The following METTL15 variants were observed in gnomAD, a reference collection of about 807,000 sequenced individuals.
METTL15 encodes the protein 12S rRNA N(4)-cytidine methyltransferase METTL15.
A neutral mutation model predicts 38.3 loss-of-function variants in METTL15; 34 were observed. The ratio of observed to expected loss-of-function variants is 0.89; its 90% confidence interval spans 0.68 to 1.18. The LOEUF (loss-of-function observed/expected upper bound fraction) is 1.18, where lower values mean the gene tolerates loss of function less well. Among genes scored for constraint, METTL15 ranks in the 50% most tolerant of loss-of-function variants. The pLI, the probability that METTL15 is intolerant of heterozygous loss-of-function variation, is 0.00. For missense variants in METTL15, 438 were observed against 498.4 expected (o/e 0.88, Z 1.15); for synonymous variants, 162 against 170.9 (o/e 0.95, Z 0.41).
chr11:28,315,755 G>C (rs1336525427), intron 6 of METTL15, among the ~76,000 whole-genome samples: 1 of 152,212 alleles, frequency 6.6e-6, no homozygotes, highest in Non-Finnish European at 1.5e-5. Context: ...CTAGGGACTT[G>C]GTACCCTGCG....
rs1410088893 is a variant in METTL15 at position 28,134,496 on chromosome 11, T to C, written c.270+20892T>C. 2.5e-5 allele frequency: 10 copies of C among 398,260 alleles called. No homozygotes were observed. In the South Asian group the frequency reaches 1.0e-3, roughly 41 times the overall value. The allele number at this position is 398,260 out of a possible 1,614,324, so 24.7% of individuals were successfully genotyped here. On this transcript the variant is annotated intron_variant, in intron 3 of 6. Transcript: ENST00000407364. ...GGAGGTTCTCCAGGGATCCTTCTGG[T>C]ACTGTCTGTCAAAAGCAAGCTGGCT...
chr11:28,295,115 C>T (rs774350094), intron 5 of METTL15, among the ~76,000 whole-genome samples: 5 of 152,022 alleles, frequency 3.3e-5, no homozygotes, highest in Non-Finnish European at 5.9e-5. Flanking sequence ...CGAATTATGC[C>T]TTGCAAATTT....
rs189512561 is a variant in METTL15 at position 28,452,001 on chromosome 11, G to A, written c.*424+27637G>A. On this transcript the variant is annotated intron_variant and NMD_transcript_variant, in intron 6 of 7. Transcript: ENST00000532947. ...CTCTAAGCCTATGAGCCTGTTAGTGGTTAGTTGGTATAATGAAGAGCCTGG... is the reference window on the plus strand; with the variant it reads ...CTCTAAGCCTATGAGCCTGTTAGTGATTAGTTGGTATAATGAAGAGCCTGG... 2.0e-5 allele frequency among the ~76,000 whole-genome samples: 3 copies of A among 152,332 alleles called. No individual in the cohort carries two copies. In the East Asian group the frequency reaches 5.8e-4, roughly 29 times the overall value.
chr11:28,413,479 G>T (rs769490726), intron 5 of METTL15, among the ~76,000 whole-genome samples: 1 of 152,130 alleles, frequency 6.6e-6, no homozygotes, highest in African/African-American at 2.4e-5. Context: ...ATGCAAATCT[G>T]CACAGTTTTT....
chr11:28,328,876 G>A (rs1849724817), intron 6 of METTL15, among the ~76,000 whole-genome samples: 1 of 151,956 alleles, frequency 6.6e-6, no homozygotes, highest in Admixed American at 6.6e-5. Flanking sequence ...CTTATTAGAT[G>A]TATGATTTGC....
chr11:28,254,346 A>G (rs2133928273), intron 4 of METTL15, among the ~76,000 whole-genome samples: 1 of 152,036 alleles, frequency 6.6e-6, no homozygotes, highest in South Asian at 2.1e-4. Context: ...TTTTTCCCCC[A>G]TGAGTTATTT....
At chr11:28,132,353 T>G (rs1849366383) in intron 3 of METTL15, among the ~76,000 whole-genome samples, 1 of 152,128 alleles carries the variant, frequency 6.6e-6, no homozygotes, top group Admixed American at 6.5e-5. Flanking sequence ...TATCTTTCAT[T>G]AAGTTACATT....
intron 6 of METTL15, among the ~76,000 whole-genome samples, chr11:28,503,321 A>G (rs1040329559): frequency 2.0e-5 from 3 of 152,246 alleles, no homozygotes; most frequent in African/African-American, 7.2e-5. Context: ...AGGTAAATCA[A>G]TATACTTTGA....
At chr11:28,467,639 G>A (rs1273609892) in intron 6 of METTL15, among the ~76,000 whole-genome samples, 1 of 152,080 alleles carries the variant, frequency 6.6e-6, no homozygotes, top group Non-Finnish European at 1.5e-5. Flanking sequence ...ACTTGGATTT[G>A]GCTTCACCCA....
intron 5 of METTL15, among the ~76,000 whole-genome samples, chr11:28,365,321 G>C (rs1311884262): frequency 6.6e-6 from 1 of 152,082 alleles, no homozygotes; most frequent in Non-Finnish European, 1.5e-5. Flanking sequence ...TTTCTGATTG[G>C]TAGGTTTTTT....
intron 3 of METTL15, among the ~76,000 whole-genome samples, chr11:28,199,402 AAGTTT>A (rs1852024885): frequency 6.6e-6 from 1 of 152,144 alleles, no homozygotes; most frequent in African/African-American, 2.4e-5. Flanking sequence ...TCACTGTTCC[AAGTTT>A]ACTATAAATA....
intron 3 of METTL15, among the ~76,000 whole-genome samples, chr11:28,162,389 A>T (rs1178943370): frequency 6.6e-6 from 1 of 152,144 alleles, no homozygotes; most frequent in Admixed American, 6.5e-5. Context: ...AGGCCACTAG[A>T]TTTGATGATT....
downstream of METTL15, among the ~76,000 whole-genome samples, chr11:28,338,011 A>G (rs113819481): frequency 6.6e-6 from 1 of 152,084 alleles, no homozygotes; most frequent in Non-Finnish European, 1.5e-5. Context: ...CTGGGCATTT[A>G]TAAATCTCTT....
chr11:28,245,194 TACTC>T (rs1252829183), intron 4 of METTL15, among the ~76,000 whole-genome samples: 1 of 152,222 alleles, frequency 6.6e-6, no homozygotes, highest in Non-Finnish European at 1.5e-5. Flanking sequence ...GCTCTACCCT[TACTC>T]ACTGTGTGAC....
chr11:28,204,464 A>G (rs1173795524), intron 3 of METTL15, among the ~76,000 whole-genome samples: 4 of 53,256 alleles, frequency 7.5e-5, no homozygotes, highest in African/African-American at 2.1e-4. Flanking sequence ...TTTTTTTTGT[A>G]AAAAGGGATA....
At chr11:28,111,373 G>C (rs969524895) in intron 2 of METTL15, among the ~76,000 whole-genome samples, 3 of 152,132 alleles carry the variant, frequency 2.0e-5, no homozygotes, top group African/African-American at 7.2e-5. Context: ...TGGACATATA[G>C]GGTAGGTTGT....
chr11:28,468,684 C>A (rs1333268228), intron 6 of METTL15, among the ~76,000 whole-genome samples: 1 of 152,132 alleles, frequency 6.6e-6, no homozygotes, highest in Non-Finnish European at 1.5e-5. Flanking sequence ...TGAACCTTTG[C>A]AAATAACTCC....
intron 4 of METTL15, among the ~76,000 whole-genome samples, chr11:28,233,128 G>C (rs544620325): frequency 6.6e-6 from 1 of 151,828 alleles, no homozygotes; most frequent in Non-Finnish European, 1.5e-5. Context: ...ATTTTGAGTG[G>C]CTTAAAATGT....
intron 4 of METTL15, among the ~76,000 whole-genome samples, chr11:28,249,715 C>T (rs531551338): frequency 1.3e-5 from 2 of 151,892 alleles, no homozygotes; most frequent in East Asian, 3.9e-4. Context: ...TTTGCTACTA[C>T]ACTAAGGAGA....
Sources: gnomAD v4.1 joint callset for allele counts (sites outside exome capture counted in the v4.1 genomes callset) on GRCh38, gnomAD v4.1.1 for gene constraint, MANE v1.5 for transcripts, NCBI Gene and HGNC (gene_info 2026-07-23, HGNC 2026-07-21) for gene names.